Variants in COP1 observed in about 807,000 individuals in gnomAD.
COP1 encodes COP1 E3 ubiquitin ligase.
A neutral mutation model predicts 101.3 loss-of-function variants in COP1; 24 were observed. That is an observed-to-expected ratio of 0.24 (90% CI 0.17 to 0.33). The LOEUF is 0.33. Among genes scored for constraint, COP1 ranks in the 10% least tolerant of loss-of-function variants. The probability of loss-of-function intolerance (pLI) is 1.00; values close to 1 mark genes in which losing one functional copy is unlikely to be tolerated. For synonymous variants in COP1, 347 were observed against 341.9 expected, an observed-to-expected ratio of 1.01 and a Z score of -0.17; for missense variants, 663 against 906.2, an observed-to-expected ratio of 0.73 and a Z score of 3.45.
intron 18 of COP1, among the ~76,000 whole-genome samples, chr1:175,974,234 G>A (rs913255207): frequency 6.6e-5 from 10 of 152,156 alleles, no homozygotes; most frequent in Admixed American, 2.0e-4. Context: ...ATATATTAAA[G>A]GAAAAACAAG....
intron 11 of COP1, among the ~76,000 whole-genome samples, chr1:176,080,790 A>G (rs1372503498): frequency 1.3e-5 from 2 of 152,210 alleles, no homozygotes; most frequent in Admixed American, 1.3e-4. Flanking sequence ...CTTTTCTGGA[A>G]GCTTCACTGG....
chr1:176,041,561 C>T (rs1670535447), intron 14 of COP1, among the ~76,000 whole-genome samples: 1 of 152,068 alleles, frequency 6.6e-6, no homozygotes, highest in South Asian at 2.1e-4. Flanking sequence ...ATTGGCCAGG[C>T]TGTTCTCAAA....
intron 11 of COP1, among the ~76,000 whole-genome samples, chr1:176,047,521 T>A (rs1425154486): frequency 1.3e-5 from 2 of 152,164 alleles, no homozygotes; most frequent in Non-Finnish European, 2.9e-5. Flanking sequence ...ACTCAAAGTG[T>A]AAAGGCTAAA....
chr1:176,082,678 T>G (rs1201599222), intron 10 of COP1, among the ~76,000 whole-genome samples: 2 of 151,776 alleles, frequency 1.3e-5, no homozygotes, highest in African/African-American at 4.8e-5. Context: ...TGCTGGAGCA[T>G]GCCTGTAATC....
At chr1:176,095,776 C>G (rs1366235280) in intron 9 of COP1, among the ~76,000 whole-genome samples, 1 of 151,996 alleles carries the variant, frequency 6.6e-6, no homozygotes, top group African/African-American at 2.4e-5. Context: ...GACTGCTGGT[C>G]TCTTAGCACA....
chr1:176,165,647 C>T (rs1254807748), intron 3 of COP1, among the ~76,000 whole-genome samples: 1 of 152,068 alleles, frequency 6.6e-6, no homozygotes, highest in Non-Finnish European at 1.5e-5. Flanking sequence ...GATCGTGTCA[C>T]TGCACTGCAG....
At chr1:176,163,037 T>A (rs768231450) in intron 4 of COP1, 49 bp from the exon 5 acceptor site, 3 of 1,553,348 alleles carry the variant, frequency 1.9e-6, no homozygotes, top group Admixed American at 4.0e-5. Context: ...GAAGACTGTT[T>A]TAGAGACTAA....
At chr1:176,206,436 C>T in intron 1 of COP1, 136 bp downstream of exon 1, 2 of 1,014,208 alleles carry the variant, frequency 2.0e-6, no homozygotes, top group Non-Finnish European at 2.9e-6. Flanking sequence ...CGCTCGATTC[C>T]CTCTGCAGAC....
chr1:175,987,158 C>T (rs2148725386), intron 17 of COP1, 55 bp from the exon 18 acceptor site: 1 of 960,896 alleles, frequency 1.0e-6, no homozygotes, highest in South Asian at 2.0e-5. Context: ...GGAATTAGGA[C>T]ATCACAGTCT....
chr1:175,978,649 T>C (rs1571355915), intron 18 of COP1, among the ~76,000 whole-genome samples: 1 of 152,146 alleles, frequency 6.6e-6, no homozygotes, highest in African/African-American at 2.4e-5. Context: ...GCTTTCATTC[T>C]ACTCCCAAGA....
intron 9 of COP1, among the ~76,000 whole-genome samples, chr1:176,108,455 T>G (rs1572278998): frequency 6.6e-6 from 1 of 152,180 alleles, no homozygotes; most frequent in African/African-American, 2.4e-5. Context: ...GAAATAAATT[T>G]GTGTATAATT....
At chr1:176,019,024 G>A (rs1666185808) in intron 15 of COP1, among the ~76,000 whole-genome samples, 1 of 151,856 alleles carries the variant, frequency 6.6e-6, no homozygotes, top group Non-Finnish European at 1.5e-5. Flanking sequence ...AAATTAGCCA[G>A]ACATGGTGGT....
At chr1:176,063,107 C>T (rs534611054) in intron 11 of COP1, among the ~76,000 whole-genome samples, 3 of 124,806 alleles carry the variant, frequency 2.4e-5, no homozygotes, top group Admixed American at 2.2e-4. Flanking sequence ...GGCCGGACTG[C>T]GGACTGCAGT....
At chr1:175,995,334 A>T (rs1659862897) in intron 15 of COP1, among the ~76,000 whole-genome samples, 1 of 152,214 alleles carries the variant, frequency 6.6e-6, no homozygotes, top group Admixed American at 6.5e-5. Context: ...CAATTAAAAG[A>T]ACTAGAAAAG....
chr1:176,067,126 A>C (rs1676131389), intron 11 of COP1, among the ~76,000 whole-genome samples: 1 of 152,154 alleles, frequency 6.6e-6, no homozygotes. Flanking sequence ...ATTAGTCCAA[A>C]CCCATAGAAT....
intron 11 of COP1, 51 bp from the exon 12 acceptor site, chr1:176,046,375 A>G (rs369949887): frequency 6.4e-7 from 1 of 1,553,634 alleles, no homozygotes; most frequent in African/African-American, 1.4e-5. Context: ...GCTATTTTCT[A>G]TTTCTAAAGT....
At chr1:175,968,582 CTT>C (rs1428771471) in intron 18 of COP1, 1 of 471,564 alleles carries the variant, frequency 2.1e-6, no homozygotes, top group Non-Finnish European at 4.2e-6. Flanking sequence ...GTTAACCAGT[CTT>C]TTATATTCCA....
At chr1:176,163,263 T>C (rs900117183) in intron 4 of COP1, among the ~76,000 whole-genome samples, 7 of 152,352 alleles carry the variant, frequency 4.6e-5, no homozygotes, top group Admixed American at 3.9e-4. Context: ...TCAAAATGAC[T>C]GAATTTAATT....
chr1:176,045,582 A>AG (rs1491153110), intron 12 of COP1, among the ~76,000 whole-genome samples: 1 of 89,344 alleles, frequency 1.1e-5, no homozygotes, highest in African/African-American at 6.0e-5. Flanking sequence ...GTTTAGAAGG[A>AG]AAAAAAAAAA....
Sources: gnomAD v4.1 joint callset for allele counts (sites outside exome capture counted in the v4.1 genomes callset) on GRCh38, gnomAD v4.1.1 for gene constraint, MANE v1.5 for transcripts, NCBI Gene and HGNC (gene_info 2026-07-23, HGNC 2026-07-21) for gene names.